The following LRRK2 variants were observed in gnomAD, a reference collection of about 807,000 sequenced individuals.
The protein encoded by LRRK2 is leucine rich repeat kinase 2.
In LRRK2, 203 loss-of-function variants were observed where a neutral mutation model predicts 302.6. The observed-to-expected ratio is 0.67, with a 90% confidence interval of 0.60 to 0.75. The LOEUF is 0.75. Ranked by LOEUF, LRRK2 falls within the 30% of genes least tolerant of loss-of-function variation. The pLI is 0.00. For missense variants in LRRK2, 2,830 were observed against 2,951.0 expected, an observed-to-expected ratio of 0.96 and a Z score of 0.95; for synonymous variants, 1,066 against 1,031.9, an observed-to-expected ratio of 1.03 and a Z score of -0.63.
rs779002816 is a variant in LRRK2, at chr12:40,293,556, T to C, written c.2701T>C (p.Ser901Pro). 14 of 1,599,612 alleles carry C rather than the reference T, an allele frequency of 8.8e-6. No individual in the cohort carries two copies. The highest frequency in any genetic ancestry group is 1.1e-5 in the Non-Finnish European group (13 of 1,168,288). Residue 901 changes from serine (S) to proline (P), a missense_variant, in exon 21 of 51, where the codon TCA becomes CCA. By Grantham distance (74) the Ser-to-Pro change is moderately conservative. This residue lies in a region of LRRK2 where 2,121 missense variants were observed against 2,148.0 expected (regional missense o/e 0.99). Transcript: ENST00000298910. ...DDLDSEGSEG[S>P]FLVKKKSNSI... ...CATTTTCAAAATAGGAAGTGAAGGC[T>C]CATTTCTTGTGAAAAAGAAATCTAA...
chr12:40,280,367 T>C (rs1260573189), intron 18 of LRRK2, among the ~76,000 whole-genome samples: 1 of 152,084 alleles, frequency 6.6e-6, no homozygotes, highest in East Asian at 1.9e-4. Flanking sequence ...CTCATGCCTG[T>C]AATCCCAGGG....
intron 13 of LRRK2, 65 bp downstream of exon 13, chr12:40,259,669 A>T (rs1319377036): frequency 1.3e-6 from 2 of 1,586,970 alleles, no homozygotes; most frequent in Non-Finnish European, 1.7e-6. Context: ...TTTTCATGAA[A>T]TAGCAATATT....
At chr12:40,327,270 C>G (rs1945581743) in intron 38 of LRRK2, among the ~76,000 whole-genome samples, 1 of 152,130 alleles carries the variant, frequency 6.6e-6, no homozygotes, top group Non-Finnish European at 1.5e-5. Context: ...CCTGAAGGTA[C>G]AAAGCATGCT....
intron 39 of LRRK2, among the ~76,000 whole-genome samples, chr12:40,331,754 A>G (rs1427146472): frequency 6.6e-6 from 1 of 152,132 alleles, no homozygotes; most frequent in East Asian, 1.9e-4. Context: ...TAGATCAATA[A>G]CTTGCAGCAA....
intron 40 of LRRK2, among the ~76,000 whole-genome samples, chr12:40,337,415 T>G (rs1379344698): frequency 2.0e-5 from 3 of 152,246 alleles, no homozygotes; most frequent in African/African-American, 7.2e-5. Flanking sequence ...ATTTTCTGTA[T>G]GTTTCTGTGT....
chr12:40,274,935 C>CA lies in LRRK2; in HGVS notation c.1888dup (p.Ile630AsnfsTer10). 3 of 1,613,880 alleles carry CA rather than the reference C, an allele frequency of 1.9e-6. No individual in the cohort carries two copies. The highest frequency in any genetic ancestry group is 2.5e-6 in the Non-Finnish European group (3 of 1,179,876). On this transcript the variant is annotated frameshift_variant, in exon 16 of 51. Coordinates refer to ENST00000298910, the MANE Select transcript of LRRK2 (RefSeq NM_198578.4). LOFTEE classifies it high-confidence loss of function. ...TTCATAGGAACTGGACATCTGCTGG[C>CA]AAAAATTCTGGTTTCCAGCTTATAC... is the stretch of plus-strand genomic sequence containing the variant.
rs780199747 is a variant in LRRK2, at chr12:40,364,930, G to T, written c.7270G>T (p.Ala2424Ser). 1 of 1,612,456 alleles carries T rather than the reference G, an allele frequency of 6.2e-7. No individual in the cohort carries two copies. Among genetic ancestry groups the T allele is most frequent in the Non-Finnish European group, 8.5e-7 (1 of 1,179,108 alleles). ...AACCCTCTGCCTTCAGAAGAACACT[G>T]CTCTTTGGATAGGAACTGGAGGAGG... ...VKTLCLQKNT[A>S]LWIGTGGGHI... is the part of the protein sequence containing the mutation. The change falls in exon 49 of 51, where the codon GCT becomes TCT. Residue 2424 changes from alanine (A) to serine (S), a missense_variant. Physicochemically the swap from Ala to Ser is moderately conservative, Grantham distance 99. Around this residue, in one of 3 missense-constraint regions of LRRK2, gnomAD observed 456 missense variants for 456.3 expected, o/e 1.00. Coordinates refer to ENST00000298910, the MANE Select transcript of LRRK2 (RefSeq NM_198578.4).
chr12:40,276,803 G>A (rs917379147), intron 16 of LRRK2, among the ~76,000 whole-genome samples: 2 of 151,912 alleles, frequency 1.3e-5, no homozygotes, highest in African/African-American at 4.8e-5. Flanking sequence ...AGAGTTCGAA[G>A]TAATAATTTT....
intron 39 of LRRK2, among the ~76,000 whole-genome samples, chr12:40,332,013 G>A (rs1445412016): frequency 6.6e-6 from 1 of 152,192 alleles, no homozygotes; most frequent in African/African-American, 2.4e-5. Context: ...GTATTTCAAA[G>A]GAATCAAATG....
intron 10 of LRRK2, among the ~76,000 whole-genome samples, chr12:40,252,291 C>A (rs1942308446): frequency 6.6e-6 from 1 of 152,092 alleles, no homozygotes; most frequent in African/African-American, 2.4e-5. Flanking sequence ...GTTTAATTAT[C>A]TATTGCTGAT....
chr12:40,353,969 C>T (rs1035780406), intron 44 of LRRK2, among the ~76,000 whole-genome samples: 1 of 151,892 alleles, frequency 6.6e-6, no homozygotes, highest in African/African-American at 2.4e-5. Context: ...CAGAGGGAGA[C>T]GGTGGAAAGA....
At chr12:40,323,798 CT>C (rs76080191) in intron 38 of LRRK2, among the ~76,000 whole-genome samples, 27,993 of 145,840 alleles carry the variant, frequency 0.19, 3,228 homozygotes, top group African/African-American at 0.34. Context: ...TACTCAAATA[CT>C]TTTTTTTTTT....
intron 19 of LRRK2, among the ~76,000 whole-genome samples, chr12:40,284,615 A>G (rs1943845073): frequency 6.6e-6 from 1 of 152,084 alleles, no homozygotes; most frequent in South Asian, 2.1e-4. Flanking sequence ...TCAATTGATA[A>G]TGCATTTTCT....
intron 12 of LRRK2, 105 bp from the exon 13 acceptor site, chr12:40,259,375 T>C (rs1056632522): frequency 3.6e-6 from 5 of 1,394,268 alleles, no homozygotes; most frequent in East Asian, 2.3e-5. Flanking sequence ...TAGTCTTTCC[T>C]GATAAAATAT....
At chr12:40,243,493 A>G (rs1941832253) in intron 6 of LRRK2, 57 bp from the exon 7 acceptor site, 2 of 1,591,702 alleles carry the variant, frequency 1.3e-6, no homozygotes, top group South Asian at 1.1e-5. Context: ...CTTTGTATGC[A>G]TATTTGAAAG....
At position 40,252,921 on chromosome 12, in the gene LRRK2, A is replaced by G. The variant is rs1483728068; in HGVS notation, c.1193A>G (p.His398Arg). The G allele has an allele frequency of 3.1e-6, 5 of 1,612,788 alleles. No homozygotes were observed. The highest frequency in any genetic ancestry group is 4.2e-6 in the Non-Finnish European group (5 of 1,178,988). The change falls in exon 11 of 51, where the codon CAT becomes CGT. Residue 398 changes from histidine to arginine, a missense_variant. His to Arg is a conservative substitution (Grantham distance 29). This residue lies in a region of LRRK2 where 2,121 missense variants were observed against 2,148.0 expected (regional missense o/e 0.99). Coordinates refer to ENST00000298910, the MANE Select transcript of LRRK2 (RefSeq NM_198578.4). ...TGAATTTTTGAAAGTTTCCCAGCTC[A>G]TAGGGAAGTGATGCTCTCCATGCTG... ...IGDEDGHFPA[H>R]REVMLSMLMH...
intron 24 of LRRK2, 66 bp downstream of exon 24, chr12:40,298,559 A>G: frequency 6.3e-7 from 1 of 1,575,718 alleles, no homozygotes; most frequent in South Asian, 1.1e-5. Context: ...AAATATGCTG[A>G]CATTTTTATA....
At chr12:40,359,701 T>G (rs1045060903) in intron 47 of LRRK2, among the ~76,000 whole-genome samples, 4 of 152,168 alleles carry the variant, frequency 2.6e-5, no homozygotes, top group African/African-American at 9.7e-5. Flanking sequence ...GTAGTATTTA[T>G]CAATCTAAAT....
rs1943531937 is a variant in LRRK2, at chr12:40,277,989, C to T, written c.2043C>T (p.Ser681=). 2 of 1,613,686 alleles carry T rather than the reference C, an allele frequency of 1.2e-6. No homozygotes were observed. The highest frequency in any genetic ancestry group is 2.2e-5 in the East Asian group (1 of 44,834). Reference sequence around the variant, plus strand: ...TAGTAATATTCCATCAAATGTCTTCCAATATCATGGAACAAAAGGATCAAC... The same window carrying T: ...TAGTAATATTCCATCAAATGTCTTCTAATATCATGGAACAAAAGGATCAAC... ...FDLVIFHQMS[S]NIMEQKDQQF... The change falls in exon 17 of 51, where the codon TCC becomes TCT. Residue 681 remains serine, a synonymous_variant. Transcript: ENST00000298910.
Sources: gnomAD v4.1 joint callset for allele counts (sites outside exome capture counted in the v4.1 genomes callset) on GRCh38, gnomAD v4.1.1 for gene constraint, gnomAD v4.1.1 regional missense constraint, MANE v1.5 for transcripts, NCBI Gene and HGNC (gene_info 2026-07-23, HGNC 2026-07-21) for gene names.